Variants in GLIS3 observed in about 807,000 individuals in gnomAD.
GLIS3 encodes zinc finger protein GLIS3.
In GLIS3, 53 loss-of-function variants were observed where a neutral mutation model predicts 78.6. That is an observed-to-expected ratio of 0.67 (90% CI 0.54 to 0.85). The LOEUF (loss-of-function observed/expected upper bound fraction) is 0.85, where lower values mean the gene tolerates loss of function less well. GLIS3 is among the 40% of genes least tolerant of loss of function. The pLI is 0.00. For synonymous variants in GLIS3, 684 were observed against 509.9 expected (o/e 1.34, Z -4.60); for missense variants, 1,703 against 1,231.1 (o/e 1.38, Z -5.74).
chr9:3,847,337 T>C (rs1819119287), intron 9 of GLIS3, among the ~76,000 whole-genome samples: 1 of 152,240 alleles, frequency 6.6e-6, no homozygotes. Context: ...CCAATCAGTC[T>C]AAGAAGCCAT....
the GLIS3 span, among the ~76,000 whole-genome samples, chr9:4,409,457 T>C: frequency 2.6e-5 from 4 of 152,216 alleles, no homozygotes; most frequent in Non-Finnish European, 5.9e-5. Flanking sequence ...AACATCACCT[T>C]ACTAGTATAC....
intron 2 of GLIS3, among the ~76,000 whole-genome samples, chr9:4,268,687 G>C (rs1458642309): frequency 6.6e-6 from 1 of 152,162 alleles, no homozygotes; most frequent in Non-Finnish European, 1.5e-5. Context: ...AATACTCCAA[G>C]ATAGGTGGTG....
At chr9:4,352,103 G>A (rs772863277), upstream of GLIS3, among the ~76,000 whole-genome samples, 19 of 152,174 alleles carry the variant, frequency 1.2e-4, no homozygotes, top group Admixed American at 6.5e-4. Flanking sequence ...TCACAACTAC[G>A]ATGGAAAAGT....
the GLIS3 span, among the ~76,000 whole-genome samples, chr9:4,375,287 G>C: frequency 5.3e-4 from 80 of 152,286 alleles, 1 homozygote; most frequent in African/African-American, 1.9e-3. Context: ...AGAAGTAAAG[G>C]AGATCACAAA....
At chr9:3,981,669 A>C (rs1819298816) in intron 4 of GLIS3, among the ~76,000 whole-genome samples, 1 of 152,208 alleles carries the variant, frequency 6.6e-6, no homozygotes. Flanking sequence ...ACTGCTTTGC[A>C]GTGAGATGAT....
chr9:4,281,844 G>T (rs779057401), intron 2 of GLIS3, among the ~76,000 whole-genome samples: 4 of 152,140 alleles, frequency 2.6e-5, no homozygotes, highest in African/African-American at 4.8e-5. Context: ...CTAGTAGTTT[G>T]CCTGGTGTCC....
the GLIS3 span, among the ~76,000 whole-genome samples, chr9:4,440,394 C>T: frequency 1.3e-5 from 2 of 152,230 alleles, no homozygotes; most frequent in Non-Finnish European, 2.9e-5. Flanking sequence ...CCTTCTTCTG[C>T]CTGTGGATAT....
At chr9:4,338,553 G>A (rs1161706681) in intron 2 of GLIS3, among the ~76,000 whole-genome samples, 3 of 152,134 alleles carry the variant, frequency 2.0e-5, no homozygotes, top group Non-Finnish European at 4.4e-5. Context: ...CCCCAAACTT[G>A]AAGTCAAGAT....
chr9:4,185,286 T>C (rs1197345494), intron 2 of GLIS3, among the ~76,000 whole-genome samples: 7 of 152,214 alleles, frequency 4.6e-5, no homozygotes, highest in Non-Finnish European at 1.0e-4. Flanking sequence ...TGTTTTAAAA[T>C]TCATTATTTT....
chr9:4,118,785 G>A lies in GLIS3; in HGVS notation c.693C>T (p.Tyr231=), dbSNP rs372982394. ...SSMKQEWSQG[Y]RALPSLSNHG... ...GGTTGGAGAGCGAAGGGAGGGCCCT[G>A]TAGCCCTGGGACCACTCCTGCTTCA... The change falls in exon 4 of 11, where the codon TAC becomes TAT. Residue 231 remains tyrosine (Y), a synonymous_variant. Coordinates refer to ENST00000381971, the MANE Select transcript of GLIS3 (RefSeq NM_001042413.2). The surrounding 1 kb of genome is among the most constrained non-coding windows in gnomAD (Gnocchi z 4.7). The A allele has an allele frequency of 1.6e-5, 25 of 1,611,812 alleles. No homozygotes were observed. In the African/African-American group the frequency reaches 2.3e-4, roughly 15 times the overall value.
chr9:3,888,018 C>G (rs566706406), intron 7 of GLIS3, among the ~76,000 whole-genome samples: 1 of 152,210 alleles, frequency 6.6e-6, no homozygotes, highest in South Asian at 2.1e-4. Flanking sequence ...CACAGAAAGT[C>G]AGTAAAATAG....
intron 4 of GLIS3, among the ~76,000 whole-genome samples, chr9:4,050,350 G>A (rs548125337): frequency 1.7e-3 from 260 of 152,182 alleles, no homozygotes; most frequent in Non-Finnish European, 3.1e-3. Context: ...CGCAAGGACA[G>A]AAAACCAAAC....
chr9:4,101,003 T>C (rs971271585), intron 4 of GLIS3, among the ~76,000 whole-genome samples: 1 of 152,152 alleles, frequency 6.6e-6, no homozygotes, highest in African/African-American at 2.4e-5. Flanking sequence ...TGGGGGCCCC[T>C]GGAAAACAGC....
At chr9:4,106,586 T>A (rs146250591) in intron 4 of GLIS3, among the ~76,000 whole-genome samples, 1 of 152,224 alleles carries the variant, frequency 6.6e-6, no homozygotes, top group African/African-American at 2.4e-5. Context: ...TAGAGGCACA[T>A]TGTCATTTTT....
At chr9:4,084,350 C>A (rs577473258) in intron 4 of GLIS3, among the ~76,000 whole-genome samples, 2 of 151,564 alleles carry the variant, frequency 1.3e-5, no homozygotes. Context: ...TCTTATCTTG[C>A]GGTTCTCTAC....
At chr9:4,301,274 G>C (rs10115330), upstream of GLIS3, among the ~76,000 whole-genome samples, 7,120 of 152,176 alleles carry the variant, frequency 0.047, 517 homozygotes, top group African/African-American at 0.15. Flanking sequence ...AAGAGGTCAG[G>C]ATATGTCATT....
At chr9:3,927,150 T>C (rs1298684922) in intron 6 of GLIS3, among the ~76,000 whole-genome samples, 1 of 152,234 alleles carries the variant, frequency 6.6e-6, no homozygotes, top group African/African-American at 2.4e-5. Flanking sequence ...GGCACAGAAC[T>C]TGTCTGTCTT....
chr9:4,235,319 G>A (rs9298997), intron 2 of GLIS3, among the ~76,000 whole-genome samples: 64,485 of 136,108 alleles, frequency 0.47, 15,435 homozygotes, highest in East Asian at 0.7. Context: ...AAAAAAAACT[G>A]ATGGGGGGAG....
intron 6 of GLIS3, among the ~76,000 whole-genome samples, chr9:3,904,614 C>T (rs1823536084): frequency 6.6e-6 from 1 of 152,170 alleles, no homozygotes; most frequent in South Asian, 2.1e-4. Context: ...GAGAAAGCAT[C>T]GTGCGGTTGA....
Sources: gnomAD v4.1 joint callset for allele counts (sites outside exome capture counted in the v4.1 genomes callset) on GRCh38, gnomAD v4.1.1 for gene constraint, Gnocchi (gnomAD v3.1) non-coding constraint, MANE v1.5 for transcripts, NCBI Gene and HGNC (gene_info 2026-07-23, HGNC 2026-07-21) for gene names.